HIP1R: variants seen among roughly 807,000 people sequenced by gnomAD.
HIP1R encodes the protein huntingtin-interacting protein 1-related protein.
HIP1R carries 135 observed loss-of-function variants against 144.2 expected under a neutral mutation model. That is an observed-to-expected ratio of 0.94 (90% confidence interval 0.81 to 1.08). HIP1R has a LOEUF of 1.08. Among genes scored for constraint, HIP1R ranks in the 50% least tolerant of loss-of-function variants. The pLI is 0.00. For missense variants in HIP1R, 1,462 were observed against 1,432.8 expected (o/e 1.02, Z -0.33); for synonymous variants, 698 against 612.8 (o/e 1.14, Z -2.05).
chr12:122,848,107 G>C lies in HIP1R; in HGVS notation c.157+13G>C, dbSNP rs371860720. ...AAGCACGCCCGGCGTATCCTTGGCC[G>C]GCTCTTGGACCCAGGAGTTGGGTGT... On this transcript the variant is annotated intron_variant, in intron 2 of 31. Coordinates refer to ENST00000253083, the MANE Select transcript of HIP1R (RefSeq NM_003959.3). 3.1e-6 allele frequency: 5 copies of C among 1,612,896 alleles called. No individual in the cohort carries two copies. Among genetic ancestry groups the C allele is most frequent in the Non-Finnish European group, 3.4e-6 (4 of 1,179,694 alleles).
chr12:122,857,316 G>T lies in HIP1R; in HGVS notation c.1815+101G>T, dbSNP rs2343109. On this transcript the variant is annotated intron_variant, in intron 18 of 31. Transcript: ENST00000253083. ...GCCTGTTCTAGAGATTTCATGTAAA[G>T]GGGATCATACACGATGCATCCTTTT... 2.4e-5 allele frequency: 29 copies of T among 1,185,642 alleles called. No homozygotes were observed. In the Admixed American group the frequency reaches 3.6e-4, roughly 15 times the overall value. The allele number at this position is 1,185,642 out of a possible 1,614,324, so 73.4% of individuals were successfully genotyped here. A position where few individuals can be genotyped will look rare whatever the true frequency, so the allele number is the denominator to read the frequency against.
chr12:122,846,891 G>A (rs1261253790), intron 1 of HIP1R, among the ~76,000 whole-genome samples: 1 of 152,252 alleles, frequency 6.6e-6, no homozygotes, highest in African/African-American at 2.4e-5. Context: ...CTAATTGGAT[G>A]TCCTCTGCTC....
chr12:122,854,933 C>T lies in HIP1R; in HGVS notation c.747C>T (p.His249=). Residue 249 remains histidine (H), a synonymous_variant, in exon 9 of 32, where the codon CAC becomes CAT. Coordinates refer to ENST00000253083, the MANE Select transcript of HIP1R (RefSeq NM_003959.3). The stretch of plus-strand genomic sequence containing the variant: ...TCCCTGCGGACACCCTGCAAGGCCA[C>T]AGGGACCGGTTCCACGAGCAGTTTC... The part of the protein sequence containing the change: ...SCLPADTLQG[H]RDRFHEQFHS... 6.2e-7 allele frequency: 1 copy of T among 1,612,458 alleles called. No homozygotes were observed. The highest frequency in any genetic ancestry group is 8.5e-7 in the Non-Finnish European group (1 of 1,179,532).
intron 1 of HIP1R, among the ~76,000 whole-genome samples, chr12:122,839,044 A>G (rs2032984773): frequency 6.6e-6 from 1 of 152,248 alleles, no homozygotes; most frequent in South Asian, 2.1e-4. Context: ...GAACTAATAC[A>G]TCCAGTATGT....
Position 122,835,504 on chromosome 12 carries a change from G to A in HIP1R, c.-47G>A. 7.8e-7 allele frequency: 1 copy of A among 1,289,476 alleles called. No individual in the cohort carries two copies. Among genetic ancestry groups the A allele is most frequent in the Non-Finnish European group, 9.9e-7 (1 of 1,010,980 alleles). The allele number at this position is 1,289,476 out of a possible 1,614,324, so 79.9% of individuals were successfully genotyped here. A position where few individuals can be genotyped will look rare whatever the true frequency, so the allele number is the denominator to read the frequency against. ...GCTGGGGCTGCCGGACCGTGAGGCT[G>A]TGAGTCGCGCGGACGGAGCCGGACA... On this transcript the variant is annotated 5_prime_UTR_variant, in exon 1 of 32. It adds an upstream start codon to the 5' untranslated region. Transcript: ENST00000253083.
chr12:122,851,000 G>T, intron 6 of HIP1R, 89 bp downstream of exon 6: 1 of 1,198,210 alleles, frequency 8.3e-7, no homozygotes, highest in Non-Finnish European at 1.2e-6. Flanking sequence ...TCCGCATGGG[G>T]CAGTGGGGTT....
At chr12:122,850,973 C>A in intron 6 of HIP1R, 62 bp downstream of exon 6, 2 of 1,482,700 alleles carry the variant, frequency 1.3e-6, no homozygotes, top group Non-Finnish European at 1.9e-6. Flanking sequence ...CTTCCTACCG[C>A]GTCTCACGCC....
chr12:122,850,077 C>T, intron 5 of HIP1R, 122 bp downstream of exon 5: 1 of 740,488 alleles, frequency 1.4e-6, no homozygotes, highest in South Asian at 1.5e-5. Flanking sequence ...TTCCATTCAC[C>T]TTCTTGTCCC....
intron 27 of HIP1R, 27 bp downstream of exon 27, chr12:122,860,550 A>G (rs1566115781): frequency 6.6e-6 from 8 of 1,214,588 alleles, no homozygotes; most frequent in South Asian, 1.2e-5. Flanking sequence ...GGGGGGGGGC[A>G]GGGGGCTGCT....
Position 122,836,219 on chromosome 12 carries a change from GCA to G in HIP1R, c.93+579_93+580del, listed in dbSNP as rs1274782852. On this transcript the variant is annotated intron_variant, in intron 1 of 31. Transcript: ENST00000253083. This position sits in a 1 kb window ranked among gnomAD's most constrained non-coding sequence, Gnocchi z 4.1. ...CTCTCGTGAGCGGTTTCCCAGGGCT[GCA>G]CAGTCTCCTATTATTTGCTGGGTGA... Among the ~76,000 whole-genome samples, 1 of 152,146 alleles carries G rather than the reference GCA, an allele frequency of 6.6e-6. No individual in the cohort carries two copies. The highest frequency in any genetic ancestry group is 2.4e-5 in the African/African-American group (1 of 41,424).
intron 1 of HIP1R, among the ~76,000 whole-genome samples, chr12:122,845,116 T>G (rs749039637): frequency 6.6e-6 from 1 of 152,212 alleles, no homozygotes; most frequent in Non-Finnish European, 1.5e-5. Flanking sequence ...GGACACCGTG[T>G]GGGTCTCACC....
rs1413738398 is a variant in HIP1R, at chr12:122,848,608, T to C, written c.300T>C (p.Asn100=). 6 of 1,610,244 alleles carry C rather than the reference T, an allele frequency of 3.7e-6. No individual in the cohort carries two copies. The highest frequency in any genetic ancestry group is 1.3e-5 in the African/African-American group (1 of 74,922). Residue 100 remains asparagine, a splice_region_variant and synonymous_variant, in exon 3 of 32, where the codon AAT becomes AAC. Coordinates refer to ENST00000253083, the MANE Select transcript of HIP1R (RefSeq NM_003959.3). ...LHKVLRDGHP[N]VLHDCQRYRS... ...AGGTCCTTCGAGACGGGCACCCCAA[T>C]GTGAGTAGCAGCTGCTGCCTCTGCT... is the stretch of plus-strand genomic sequence containing the variant.
chr12:122,855,776 G>T (rs867878644), intron 12 of HIP1R, 55 bp from the exon 13 acceptor site: 4 of 1,536,812 alleles, frequency 2.6e-6, no homozygotes, highest in East Asian at 4.9e-5. Context: ...TCCTGTGCTG[G>T]GTCTGTTGAC....
At chr12:122,858,037 G>A (rs2135673764) in intron 18 of HIP1R, 65 bp from the exon 19 acceptor site, 4 of 1,454,852 alleles carry the variant, frequency 2.7e-6, no homozygotes, top group Non-Finnish European at 3.7e-6. Context: ...GGTCATTCCA[G>A]GGCTGGGGCA....
In HIP1R at chr12:122,835,459, G is replaced by A; in HGVS notation, c.-92G>A. ...CGGCGGGCGGGCCCGGGCGCGGCGC[G>A]GTGGCCTCGCGGTGCCTAGGCTGGG... is the stretch of plus-strand genomic sequence containing the variant. On this transcript the variant is annotated 5_prime_UTR_variant, in exon 1 of 32. Transcript: ENST00000253083. The A allele has an allele frequency of 8.6e-7, 1 of 1,162,280 alleles. No homozygotes were observed. Among genetic ancestry groups the A allele is most frequent in the Non-Finnish European group, 1.1e-6 (1 of 942,716 alleles). 72.0% of individuals were successfully genotyped at this position (1,162,280 alleles called of 1,614,324 possible). A position where few individuals can be genotyped will look rare whatever the true frequency, so the allele number is the denominator to read the frequency against.
intron 1 of HIP1R, among the ~76,000 whole-genome samples, chr12:122,839,755 A>C (rs1052916909): frequency 6.6e-6 from 1 of 152,254 alleles, no homozygotes; most frequent in Non-Finnish European, 1.5e-5. Flanking sequence ...TAGCCCTTTC[A>C]ACATGTAATT....
rs376987446 is a variant in HIP1R, at chr12:122,860,142, C to T, written c.2497-6C>T. On this transcript the variant is annotated splice_polypyrimidine_tract_variant and splice_region_variant and intron_variant, in intron 25 of 31. Transcript: ENST00000253083. ...CCACCAGTCATTGCTGTCTTGGTCT[C>T]GGCAGGCTATCCGGCTCCTGGTGAC... 2.7e-5 allele frequency: 43 copies of T among 1,585,822 alleles called. No homozygotes were observed. The African/African-American group carries it at 3.9e-4, about 14-fold the overall frequency.
intron 24 of HIP1R, 98 bp from the exon 25 acceptor site, chr12:122,859,949 C>T (rs530426607): frequency 2.7e-6 from 4 of 1,456,024 alleles, no homozygotes; most frequent in East Asian, 2.4e-5. Context: ...GCAGACACTC[C>T]CTCCCCACCT....
upstream of HIP1R, chr12:122,835,090 C>A: frequency 9.9e-7 from 1 of 1,014,958 alleles, no homozygotes; most frequent in Non-Finnish European, 1.3e-6. Flanking sequence ...TTCCCCCTCC[C>A]CCTTCCCCTA....
Sources: gnomAD v4.1 joint callset for allele counts (sites outside exome capture counted in the v4.1 genomes callset) on GRCh38, gnomAD v4.1.1 for gene constraint, Gnocchi (gnomAD v3.1) non-coding constraint, MANE v1.5 for transcripts, NCBI Gene and HGNC (gene_info 2026-07-23, HGNC 2026-07-21) for gene names.